Variants in FAM153A observed in about 807,000 individuals in gnomAD.
The protein encoded by FAM153A is family with sequence similarity 153 member A.
In FAM153A, 12 loss-of-function variants were observed where a neutral mutation model predicts 48.1. That is an observed-to-expected ratio of 0.25 (90% confidence interval 0.16 to 0.40). The LOEUF is 0.40. Among genes scored for constraint, FAM153A ranks in the 10% least tolerant of loss-of-function variants. The probability of loss-of-function intolerance (pLI) is 1.00; values close to 1 mark genes in which losing one functional copy is unlikely to be tolerated. For missense variants in FAM153A, 111 were observed against 345.8 expected (o/e 0.32, Z 5.38); for synonymous variants, 36 against 118.2 (o/e 0.30, Z 4.51).
chr5:177,753,872 G>A (rs974123897), upstream of FAM153A, among the ~76,000 whole-genome samples: 15 of 151,924 alleles, frequency 9.9e-5, no homozygotes, highest in African/African-American at 3.2e-4. Context: ...CAAGATGGCC[G>A]AATAGAAACA....
chr5:177,707,673 C>T (rs1349554295), downstream of FAM153A, among the ~76,000 whole-genome samples: 2 of 151,640 alleles, frequency 1.3e-5, no homozygotes, highest in African/African-American at 4.9e-5. Context: ...AATTCTCCTA[C>T]CTCAGCCTCC....
chr5:177,726,186 C>CT (rs1762448363), intron 18 of FAM153A, among the ~76,000 whole-genome samples: 1 of 138,490 alleles, frequency 7.2e-6, no homozygotes, highest in East Asian at 2.2e-4. Context: ...GTATGAAGGA[C>CT]TTTGTCTTCA....
chr5:177,732,510 C>CT lies in FAM153A; in HGVS notation c.761-411dup, dbSNP rs1163859069. Among the ~76,000 whole-genome samples the CT allele has an allele frequency of 9.3e-4, 67 of 72,230 alleles. 2 individuals are homozygous for CT. Among genetic ancestry groups the CT allele is most frequent in the East Asian group, 6.7e-3 (16 of 2,376 alleles). The allele number at this position is 72,230 out of a possible 152,430, so 47.4% of individuals were successfully genotyped here. On this transcript the variant is annotated intron_variant, in intron 14 of 20. Coordinates refer to ENST00000614127, the Ensembl canonical transcript of FAM153A. Reference sequence around the variant, plus strand: ...TGTTTTTTGTCCCTCCCAGAACTTGCTTTTTTTTTTTTTTTTTGAGATGGA... The same window carrying CT: ...TGTTTTTTGTCCCTCCCAGAACTTGCTTTTTTTTTTTTTTTTTTGAGATGGA...
At chr5:177,746,438 C>G (rs1766015273) in intron 4 of FAM153A, among the ~76,000 whole-genome samples, 1 of 148,636 alleles carries the variant, frequency 6.7e-6, no homozygotes, top group Non-Finnish European at 1.5e-5. Flanking sequence ...GGATTACAGG[C>G]ATGAGCCACC....
At chr5:177,757,782 T>G (rs1311062572), upstream of FAM153A, among the ~76,000 whole-genome samples, 1 of 151,484 alleles carries the variant, frequency 6.6e-6, no homozygotes, top group Non-Finnish European at 1.5e-5. Flanking sequence ...CAACAGCCCT[T>G]CATGCTAAAA....
Position 177,731,557 on chromosome 5 carries a change from C to G in FAM153A, c.862+12G>C, listed in dbSNP as rs765231342. 4.5e-5 allele frequency: 50 copies of G among 1,106,772 alleles called. 16 individuals carry two copies. The highest frequency in any genetic ancestry group is 5.2e-5 in the Non-Finnish European group (43 of 825,844). 68.6% of individuals were successfully genotyped at this position (1,106,772 alleles called of 1,614,324 possible). A position where few individuals can be genotyped will look rare whatever the true frequency, so the allele number is the denominator to read the frequency against. On this transcript the variant is annotated intron_variant, in intron 16 of 20. Transcript: ENST00000614127. ...TCAAACCTAAACAAAGAGAGGATCC[C>G]AGAATACGTACTCTTTGCCAGCGTG... is the stretch of plus-strand genomic sequence containing the variant.
downstream of FAM153A, among the ~76,000 whole-genome samples, chr5:177,708,938 C>CA (rs986701054): frequency 1.3e-5 from 2 of 150,078 alleles, no homozygotes; most frequent in African/African-American, 2.5e-5. Flanking sequence ...ACTAAAAACA[C>CA]AAAAAAATTA....
At chr5:177,781,752 TC>T (rs1185332561), upstream of FAM153A, 2 of 97,638 alleles carry the variant, frequency 2.0e-5, 1 homozygote, top group Non-Finnish European at 4.3e-5. Context: ...GGAGTCTCGC[TC>T]TGTCGCCCAG....
At chr5:177,709,129 AAAAGAAAG>A (rs1430497858), downstream of FAM153A, among the ~76,000 whole-genome samples, 3 of 133,402 alleles carry the variant, frequency 2.2e-5, no homozygotes, top group African/African-American at 9.0e-5. Context: ...AAAAAAAAAA[AAAAGAAAG>A]AAAAGCCTAG....
At chr5:177,721,396 G>GCT (rs1760998544), downstream of FAM153A, among the ~76,000 whole-genome samples, 1 of 85,748 alleles carries the variant, frequency 1.2e-5, no homozygotes, top group African/African-American at 4.5e-5. Context: ...AGGACACGGA[G>GCT]CTGGTGGCTA....
At chr5:177,755,652 C>CA (rs901519287), upstream of FAM153A, among the ~76,000 whole-genome samples, 3 of 151,786 alleles carry the variant, frequency 2.0e-5, no homozygotes, top group African/African-American at 7.3e-5. Context: ...ATAAACTCCA[C>CA]AAGCCAGAAG....
At chr5:177,703,331 C>G (rs1165135345), downstream of FAM153A, among the ~76,000 whole-genome samples, 1 of 151,804 alleles carries the variant, frequency 6.6e-6, no homozygotes, top group Admixed American at 6.6e-5. Context: ...GCCTGTAGCC[C>G]CTTTGTTTTG....
downstream of FAM153A, among the ~76,000 whole-genome samples, chr5:177,704,826 C>G (rs1757735447): frequency 6.6e-6 from 1 of 151,372 alleles, no homozygotes; most frequent in African/African-American, 2.4e-5. Flanking sequence ...ACACTGAAAC[C>G]CCATCTCTAC....
chr5:177,711,453 A>G (rs1030743167), exon 27 of FAM153A: 1 of 151,946 alleles, frequency 6.6e-6, no homozygotes, highest in Admixed American at 6.5e-5. Context: ...TTGATAAGCA[A>G]GAAATGACTG....
intron 1 of FAM153A, among the ~76,000 whole-genome samples, chr5:177,779,317 C>T (rs866189276): frequency 6.3e-5 from 8 of 125,988 alleles, no homozygotes; most frequent in South Asian, 2.9e-4. Flanking sequence ...CGCACCCGAA[C>T]GCACATGTGT....
downstream of FAM153A, among the ~76,000 whole-genome samples, chr5:177,704,934 G>C (rs188258515): frequency 6.6e-6 from 1 of 151,350 alleles, no homozygotes; most frequent in Non-Finnish European, 1.5e-5. Context: ...CCGGGAGGTG[G>C]AGGGTGCAGT....
chr5:177,734,797 T>G (rs778528656), intron 13 of FAM153A, 66 bp downstream of exon 15: 4 of 1,609,310 alleles, frequency 2.5e-6, no homozygotes, highest in Non-Finnish European at 2.5e-6. Flanking sequence ...ATATCTTAAT[T>G]TAATCCAAAT....
chr5:177,707,698 TAC>T (rs1042696614), downstream of FAM153A, among the ~76,000 whole-genome samples: 18 of 151,722 alleles, frequency 1.2e-4, 1 homozygote, highest in African/African-American at 3.4e-4. Context: ...TAGCTGGGAT[TAC>T]AGTCATGCGC....
intron 10 of FAM153A, among the ~76,000 whole-genome samples, chr5:177,738,631 C>T (rs1046617066): frequency 9.3e-5 from 14 of 151,282 alleles, no homozygotes; most frequent in African/African-American, 2.2e-4. Context: ...GGAGATAAAG[C>T]GCTTGGCAAA....
Sources: allele counts gnomAD v4.1 joint callset (sites outside exome capture counted in the v4.1 genomes callset), GRCh38; gene constraint gnomAD v4.1.1; transcripts MANE v1.5; gene names NCBI Gene and HGNC (gene_info 2026-07-23, HGNC 2026-07-21).